The following HECTD4 variants were observed in gnomAD, a reference collection of about 807,000 sequenced individuals.
The protein encoded by HECTD4 is probable E3 ubiquitin-protein ligase HECTD4.
Under a neutral mutation model 471.5 loss-of-function variants are expected in HECTD4, and 114 were observed. The ratio of observed to expected loss-of-function variants is 0.24; its 90% CI spans 0.21 to 0.28. The LOEUF (loss-of-function observed/expected upper bound fraction) is 0.28, where lower values mean the gene tolerates loss of function less well. Among genes scored for constraint, HECTD4 ranks in the 10% least tolerant of loss-of-function variants. HECTD4 has a pLI of 1.00. For missense variants in HECTD4, 3,866 were observed against 5,651.5 expected (o/e 0.68, Z 10.13); for synonymous variants, 2,012 against 2,256.0 (o/e 0.89, Z 3.07).
chr12:112,273,632 G>T (rs1373605699), intron 11 of HECTD4, 23 bp downstream of exon 11: 2 of 1,610,694 alleles, frequency 1.2e-6, no homozygotes, highest in Non-Finnish European at 1.7e-6. Context: ...ATCTTTTCCT[G>T]CAAGACCCTG....
At chr12:112,376,372 G>A (rs1290643207) in intron 1 of HECTD4, among the ~76,000 whole-genome samples, 1 of 151,784 alleles carries the variant, frequency 6.6e-6, no homozygotes, top group Non-Finnish European at 1.5e-5. Flanking sequence ...TCAGCCTCCC[G>A]AGTAGCTGGG....
chr12:112,208,302 C>T lies in HECTD4; in HGVS notation c.8004+192G>A, dbSNP rs146315653. Among the ~76,000 whole-genome samples the T allele has an allele frequency of 2.4e-3, 363 of 152,310 alleles. 1 individual carries two copies. The highest frequency in any genetic ancestry group is 7.1e-3 in the African/African-American group (296 of 41,574). On this transcript the variant is annotated intron_variant, in intron 51 of 75. Transcript: ENST00000682272. ...ATCTTCACCGGGCAAAATGGCCCAACGGATATCGCTATTGATAGGGGTTTA... is the reference window on the plus strand; with the variant it reads ...ATCTTCACCGGGCAAAATGGCCCAATGGATATCGCTATTGATAGGGGTTTA...
At chr12:112,178,879 T>TC (rs913300146) in intron 64 of HECTD4, 52 bp downstream of exon 64, 22 of 1,551,814 alleles carry the variant, frequency 1.4e-5, no homozygotes, top group African/African-American at 2.7e-5. Context: ...CTCGGAGGCC[T>TC]CCCCCACATC....
At chr12:112,304,889 T>C (rs2035242336) in intron 7 of HECTD4, among the ~76,000 whole-genome samples, 1 of 152,196 alleles carries the variant, frequency 6.6e-6, no homozygotes, top group African/African-American at 2.4e-5. Flanking sequence ...TCCCAGAACA[T>C]GTTTTAATCC....
chr12:112,276,091 G>A (rs58249241), intron 9 of HECTD4, among the ~76,000 whole-genome samples: 15,410 of 152,070 alleles, frequency 0.1, 933 homozygotes, highest in East Asian at 0.23. Flanking sequence ...ACATATCTAC[G>A]TCATCTCTCC....
At chr12:112,252,984 AT>A (rs528852233) in intron 22 of HECTD4, among the ~76,000 whole-genome samples, 5 of 147,192 alleles carry the variant, frequency 3.4e-5, no homozygotes, top group East Asian at 2.0e-4. Context: ...TAATTTTTTT[AT>A]TTTTTTTTTG....
chr12:112,197,482 C>G (rs987750783), intron 55 of HECTD4, among the ~76,000 whole-genome samples: 1 of 152,206 alleles, frequency 6.6e-6, no homozygotes. Flanking sequence ...CCACCAAGCC[C>G]AGCTAACCAA....
rs1191684604 is a variant in HECTD4, at chr12:112,163,238, C to G, written c.12924G>C (p.Leu4308=). ...ACTCGATGTGCTGGTCCGTCTCCAT[C>G]AGCCCCACTTGGTACATGGTGTGGG... The part of the protein sequence containing the change: ...LKAHTMYQVG[L]METDQHIEFF... The change falls in exon 75 of 76, where the codon CTG becomes CTC. Residue 4308 remains leucine (L), a synonymous_variant. Coordinates refer to ENST00000682272, the MANE Select transcript of HECTD4 (RefSeq NM_001388303.1). This position sits in a 1 kb window ranked among gnomAD's most constrained non-coding sequence, Gnocchi z 8.2. 2 of 1,613,802 alleles carry G rather than the reference C, an allele frequency of 1.2e-6. No individual in the cohort carries two copies. The highest frequency in any genetic ancestry group is 1.7e-5 in the Admixed American group (1 of 60,002).
chr12:112,190,982 G>T lies in HECTD4; in HGVS notation c.9293-17C>A. 6.5e-7 allele frequency: 1 copy of T among 1,538,710 alleles called. No individual in the cohort carries two copies. Among genetic ancestry groups the T allele is most frequent in the Non-Finnish European group, 8.8e-7 (1 of 1,139,702 alleles). Reference sequence around the variant, plus strand: ...GAGACACCCCTGCAAGAAGCACCCAGGAAGAAAGCAGATGATTGGCAGCAC... The same window carrying T: ...GAGACACCCCTGCAAGAAGCACCCATGAAGAAAGCAGATGATTGGCAGCAC... On this transcript the variant is annotated splice_polypyrimidine_tract_variant and intron_variant, in intron 59 of 75. Transcript: ENST00000682272.
chr12:112,160,422 A>T lies in HECTD4; in HGVS notation c.*1965T>A, dbSNP rs1215666699. The T allele has an allele frequency of 1.3e-5, 2 of 152,256 alleles. No homozygotes were observed. Among genetic ancestry groups the T allele is most frequent in the African/African-American group, 2.4e-5 (1 of 41,472 alleles). 9.4% of individuals were successfully genotyped at this position (152,256 alleles called of 1,614,324 possible). A position where few individuals can be genotyped will look rare whatever the true frequency, so the allele number is the denominator to read the frequency against. On this transcript the variant is annotated 3_prime_UTR_variant, in exon 76 of 76. Transcript: ENST00000682272. ...TCAGATTGAATGAAAAGTTTGTTAAATGCAACCATAAATAATTATAATAAA... is the reference window on the plus strand; with the variant it reads ...TCAGATTGAATGAAAAGTTTGTTAATTGCAACCATAAATAATTATAATAAA...
intron 1 of HECTD4, among the ~76,000 whole-genome samples, chr12:112,321,392 T>G (rs778841664): frequency 3.3e-5 from 5 of 152,156 alleles, no homozygotes; most frequent in Admixed American, 6.6e-5. Context: ...CACATAAATT[T>G]GACTAGATCA....
chr12:112,162,409 C>A lies in HECTD4; in HGVS notation c.13235G>T (p.Arg4412Leu). ...LEKLRCAIHYREDPLSG is the reference protein window; with the variant it reads ...LEKLRCAIHYLEDPLSG ...CCATCAGCCACTGAGGGGGTCTTCA[C>A]GGTAGTGAATGGCACAACGAAGTTT... Residue 4412 changes from arginine to leucine, a missense_variant, in exon 76 of 76, where the codon CGT becomes CTT. By Grantham distance (102) the Arg-to-Leu change is moderately radical (BLOSUM62 -2). This residue lies in a region of HECTD4 where 715 missense variants were observed against 1,087.6 expected (regional missense o/e 0.66). Coordinates refer to ENST00000682272, the MANE Select transcript of HECTD4 (RefSeq NM_001388303.1). The surrounding 1 kb of genome is among the most constrained non-coding windows in gnomAD (Gnocchi z 5.2). The A allele has an allele frequency of 6.2e-7, 1 of 1,614,016 alleles. No homozygotes were observed. Among genetic ancestry groups the A allele is most frequent in the Non-Finnish European group, 8.5e-7 (1 of 1,179,882 alleles).
intron 55 of HECTD4, among the ~76,000 whole-genome samples, chr12:112,196,881 C>T (rs891102138): frequency 1.3e-5 from 2 of 151,040 alleles, no homozygotes; most frequent in South Asian, 2.1e-4. Context: ...CTGCAAACTC[C>T]GCCTCCCAGG....
intron 65 of HECTD4, 45 bp downstream of exon 65, chr12:112,176,551 T>C (rs777250350): frequency 2.2e-6 from 3 of 1,361,172 alleles, no homozygotes; most frequent in East Asian, 2.3e-5. Context: ...GTCTCCAGGA[T>C]GGAAGTAGGT....
At position 112,188,860 on chromosome 12, in the gene HECTD4, C is replaced by A. The variant is rs1382450384; in HGVS notation, c.9472+1926G>T. 6.6e-6 allele frequency among the ~76,000 whole-genome samples: 1 copy of A among 152,196 alleles called. No homozygotes were observed. The highest frequency in any genetic ancestry group is 1.9e-4 in the East Asian group (1 of 5,194). On this transcript the variant is annotated intron_variant, in intron 60 of 75. Coordinates refer to ENST00000682272, the MANE Select transcript of HECTD4 (RefSeq NM_001388303.1). The surrounding 1 kb of genome is among the most constrained non-coding windows in gnomAD (Gnocchi z 4.2). ...CTCTCTGCTGGGGCACAGGGCTAGGCCCTCAGATGCCAGAACTATTCATGT... is the reference window on the plus strand; with the variant it reads ...CTCTCTGCTGGGGCACAGGGCTAGGACCTCAGATGCCAGAACTATTCATGT...
chr12:112,313,203 A>G, intron 3 of HECTD4, 56 bp from the exon 4 acceptor site: 2 of 1,445,218 alleles, frequency 1.4e-6, no homozygotes, highest in South Asian at 2.8e-5. Flanking sequence ...TTTCAGCAAG[A>G]AGTATACCTG....
intron 2 of HECTD4, among the ~76,000 whole-genome samples, chr12:112,314,891 G>A (rs2035447644): frequency 1.3e-5 from 2 of 152,096 alleles, no homozygotes; most frequent in Admixed American, 1.3e-4. Flanking sequence ...GTCACCCTCT[G>A]GAGGATCATA....
intron 1 of HECTD4, among the ~76,000 whole-genome samples, chr12:112,369,581 G>C (rs1423010008): frequency 6.6e-6 from 1 of 152,032 alleles, no homozygotes; most frequent in African/African-American, 2.4e-5. Context: ...CTGACCTCAA[G>C]TGATCCACCT....
Position 112,235,901 on chromosome 12 carries a change from G to C in HECTD4, c.5445-117C>G. On this transcript the variant is annotated intron_variant, in intron 35 of 75. Coordinates refer to ENST00000682272, the MANE Select transcript of HECTD4 (RefSeq NM_001388303.1). This position sits in a 1 kb window ranked among gnomAD's most constrained non-coding sequence, Gnocchi z 5.0. ...GAAATCTGATTTCACGAGGAATCAT[G>C]AATGTGGCACTATGCTTCTGTGAAG... The C allele has an allele frequency of 1.1e-6, 1 of 892,520 alleles. No homozygotes were observed. Among genetic ancestry groups the C allele is most frequent in the Non-Finnish European group, 1.7e-6 (1 of 597,308 alleles). 55.3% of individuals were successfully genotyped at this position (892,520 alleles called of 1,614,324 possible). A position where few individuals can be genotyped will look rare whatever the true frequency, so the allele number is the denominator to read the frequency against.
Sources: allele counts gnomAD v4.1 joint callset (sites outside exome capture counted in the v4.1 genomes callset), GRCh38; gene constraint gnomAD v4.1.1; regional missense constraint gnomAD v4.1.1; non-coding constraint Gnocchi (gnomAD v3.1); transcripts MANE v1.5; gene names NCBI Gene and HGNC (gene_info 2026-07-23, HGNC 2026-07-21).